Variants in RC3H2 observed in about 807,000 individuals in gnomAD.
RC3H2 encodes the protein roquin-2.
Under a neutral mutation model 133.3 loss-of-function variants are expected in RC3H2, and 31 were observed. The observed-to-expected ratio is 0.23, with a 90% confidence interval of 0.17 to 0.31. RC3H2 has a LOEUF of 0.31. Among genes scored for constraint, RC3H2 ranks in the 10% least tolerant of loss-of-function variants. The pLI, the probability that RC3H2 is intolerant of heterozygous loss-of-function variation, is 1.00. For synonymous variants in RC3H2, 517 were observed against 502.2 expected (o/e 1.03, Z -0.40); for missense variants, 1,175 against 1,437.2 (o/e 0.82, Z 2.95).
At chr9:122,895,901 C>G (rs138976276) in intron 2 of RC3H2, among the ~76,000 whole-genome samples, 11 of 151,994 alleles carry the variant, frequency 7.2e-5, no homozygotes, top group Admixed American at 5.9e-4. Flanking sequence ...AAAGTAGACC[C>G]TCATTAAATA....
intron 11 of RC3H2, 105 bp downstream of exon 11, chr9:122,859,812 C>T: frequency 1.0e-6 from 1 of 985,794 alleles, no homozygotes; most frequent in South Asian, 1.5e-5. Context: ...GTCACATAGT[C>T]AAAAGGATTA....
chr9:122,868,563 C>T (rs932729117), intron 9 of RC3H2, among the ~76,000 whole-genome samples: 7 of 151,810 alleles, frequency 4.6e-5, no homozygotes, highest in Admixed American at 2.0e-4. Flanking sequence ...TAAGAGTCAT[C>T]ACCACTCCCT....
intron 13 of RC3H2, 102 bp from the exon 14 acceptor site, chr9:122,855,980 G>A: frequency 1.2e-6 from 1 of 844,798 alleles, no homozygotes; most frequent in Non-Finnish European, 1.7e-6. Context: ...GGACTTCATA[G>A]CAAACAATTA....
chr9:122,880,129 A>G lies in RC3H2; in HGVS notation c.961-4T>C. The stretch of plus-strand genomic sequence containing the variant: ...CAAATGACTCTGGAGACTGTAGCTA[A>G]CAAACAGAAATGAGAATGCTTTTTA... On this transcript the variant is annotated splice_region_variant and splice_polypyrimidine_tract_variant and intron_variant, in intron 6 of 20. Coordinates refer to ENST00000357244, the MANE Select transcript of RC3H2 (RefSeq NM_001100588.3). The G allele has an allele frequency of 6.2e-7, 1 of 1,614,006 alleles. No homozygotes were observed. Among genetic ancestry groups the G allele is most frequent in the Non-Finnish European group, 8.5e-7 (1 of 1,179,906 alleles).
At chr9:122,867,822 G>A (rs1237620264) in intron 9 of RC3H2, among the ~76,000 whole-genome samples, 3 of 108,466 alleles carry the variant, frequency 2.8e-5, no homozygotes, top group Non-Finnish European at 3.9e-5. Context: ...GAGCCCCTCC[G>A]CCCGGCAGCC....
At chr9:122,899,865 T>C (rs1253960251) in intron 1 of RC3H2, among the ~76,000 whole-genome samples, 1 of 152,248 alleles carries the variant, frequency 6.6e-6, no homozygotes, top group Non-Finnish European at 1.5e-5. Flanking sequence ...TTGGAAATGT[T>C]AATTCTGTGG....
rs548171139 is a variant in RC3H2 at position 122,872,337 on chromosome 9, C to A, written c.1325+5134G>T. On this transcript the variant is annotated intron_variant, in intron 9 of 20. Transcript: ENST00000357244. ...CATCATTTCCATTGCTATAGTCCTA[C>A]CCGAGCTACCAAACTCCCACCTGTG... is the stretch of plus-strand genomic sequence containing the variant. Among the ~76,000 whole-genome samples, 7 of 152,270 alleles carry A rather than the reference C, an allele frequency of 4.6e-5. No individual in the cohort carries two copies. The South Asian group carries it at 8.3e-4, about 18-fold the overall frequency.
chr9:122,905,287 G>T lies in RC3H2; in HGVS notation c.-245C>A. ...TGGCGGCGGCGAAGGCCGCGACGGGGCCTCCTCCTCCTCCCTCCACCTCCG... is the reference window on the plus strand; with the variant it reads ...TGGCGGCGGCGAAGGCCGCGACGGGTCCTCCTCCTCCTCCCTCCACCTCCG... On this transcript the variant is annotated 5_prime_UTR_variant, in exon 1 of 21. Transcript: ENST00000357244. 1 of 985,776 alleles carries T rather than the reference G, an allele frequency of 1.0e-6. No homozygotes were observed. The highest frequency in any genetic ancestry group is 1.2e-6 in the Non-Finnish European group (1 of 830,112). 61.1% of individuals were successfully genotyped at this position (985,776 alleles called of 1,614,324 possible). A position where few individuals can be genotyped will look rare whatever the true frequency, so the allele number is the denominator to read the frequency against.
rs1564283166 is a variant in RC3H2 at position 122,853,959 on chromosome 9, T to C, written c.3110A>G (p.Asn1037Ser). ...AAGGTTCAGTTTCTTTACCTCTCCA[T>C]TTCTTAGTTCAATTTCCTTGCTTAA... is the stretch of plus-strand genomic sequence containing the variant. ...NLLSKEIELR[N>S]GELQSDYTED... The change falls in exon 18 of 21, where the codon AAT becomes AGT. Residue 1037 changes from asparagine (N) to serine (S), a missense_variant. Around this residue, in one of 8 missense-constraint regions of RC3H2, gnomAD observed 220 missense variants for 201.1 expected, o/e 1.09. Transcript: ENST00000357244. 1 of 1,614,210 alleles carries C rather than the reference T, an allele frequency of 6.2e-7. No individual in the cohort carries two copies. Among genetic ancestry groups the C allele is most frequent in the Non-Finnish European group, 8.5e-7 (1 of 1,180,026 alleles).
In RC3H2 at chr9:122,893,019, T is replaced by C; in HGVS notation, c.239A>G (p.Asp80Gly). The C allele has an allele frequency of 6.3e-7, 1 of 1,584,904 alleles. No homozygotes were observed. Among genetic ancestry groups the C allele is most frequent in the East Asian group, 2.2e-5 (1 of 44,674 alleles). ...ATTACTTAACTTAATTGACTGATGA[T>C]CTGGTACCTTAAAAAAAAAAAAAAA... ...LLQLVGAQVP[D>G]HQSIKLSNLG... is the part of the protein sequence containing the mutation. The change falls in exon 3 of 21, where the codon GAT becomes GGT. Residue 80 changes from aspartate (D) to glycine (G), a missense_variant. This residue lies in a region of RC3H2 where 30 missense variants were observed against 25.2 expected (regional missense o/e 1.19). Transcript: ENST00000357244.
chr9:122,867,718 C>T (rs1424801473), intron 9 of RC3H2, among the ~76,000 whole-genome samples: 2 of 108,020 alleles, frequency 1.9e-5, no homozygotes, highest in African/African-American at 3.5e-5. Context: ...TGGCCGCGAC[C>T]CCGTCTGGGA....
At position 122,846,196 on chromosome 9, in the gene RC3H2, C is replaced by A. The variant is rs760293117; in HGVS notation, c.*3431G>T. 4.6e-5 allele frequency: 7 copies of A among 152,162 alleles called. No individual in the cohort carries two copies. The highest frequency in any genetic ancestry group is 7.2e-5 in the African/African-American group (3 of 41,432). 9.4% of individuals were successfully genotyped at this position (152,162 alleles called of 1,614,324 possible). A position where few individuals can be genotyped will look rare whatever the true frequency, so the allele number is the denominator to read the frequency against. On this transcript the variant is annotated 3_prime_UTR_variant, in exon 21 of 21. Coordinates refer to ENST00000357244, the MANE Select transcript of RC3H2 (RefSeq NM_001100588.3). Reference sequence around the variant, plus strand: ...ATTGGGATGTGCTTTATATACTTAACCTCAAATTGAAATCTGAAAGTGACT... The same window carrying A: ...ATTGGGATGTGCTTTATATACTTAAACTCAAATTGAAATCTGAAAGTGACT...
rs546022336 is a variant in RC3H2, at chr9:122,875,134, C to T, written c.1325+2337G>A. Reference sequence around the variant, plus strand: ...TGAAATTCTGTATATAGAACTAGTTCGATTGGGTACAAACAGCATCTTTTT... The same window carrying T: ...TGAAATTCTGTATATAGAACTAGTTTGATTGGGTACAAACAGCATCTTTTT... On this transcript the variant is annotated intron_variant, in intron 9 of 20. Transcript: ENST00000357244. 2.1e-5 allele frequency: 32 copies of T among 1,502,290 alleles called. No homozygotes were observed. In the Admixed American group the frequency reaches 2.3e-4, roughly 11 times the overall value. The allele number at this position is 1,502,290 out of a possible 1,614,324, so 93.1% of individuals were successfully genotyped here. A position where few individuals can be genotyped will look rare whatever the true frequency, so the allele number is the denominator to read the frequency against.
intron 9 of RC3H2, among the ~76,000 whole-genome samples, chr9:122,866,511 T>G (rs2131411456): frequency 6.7e-6 from 1 of 149,858 alleles, no homozygotes; most frequent in South Asian, 2.1e-4. Context: ...CCTGCCTGAT[T>G]CTCCTGCCTC....
rs757230508 is a variant in RC3H2, at chr9:122,865,434, C to CTCTTAA, written c.1543_1548dup (p.Leu515_Arg516dup). The CTCTTAA allele has an allele frequency of 6.2e-7, 1 of 1,614,228 alleles. No homozygotes were observed. Among genetic ancestry groups the CTCTTAA allele is most frequent in the Non-Finnish European group, 8.5e-7 (1 of 1,180,046 alleles). ...CCCACTTTCTTCACGGTCTCCAGAG[C>CTCTTAA]TCTTAAGGTACTGTCAGTACTACGT... On this transcript the variant is annotated inframe_insertion, in exon 10 of 21. Transcript: ENST00000357244.
At chr9:122,879,608 A>G (rs953226494) in intron 8 of RC3H2, 147 bp downstream of exon 8, 30 of 570,178 alleles carry the variant, frequency 5.3e-5, no homozygotes, top group Non-Finnish European at 8.0e-5. Context: ...CAAGTACACT[A>G]AAAACTGGGT....
intron 3 of RC3H2, among the ~76,000 whole-genome samples, chr9:122,890,920 T>C (rs930454028): frequency 2.0e-5 from 3 of 151,852 alleles, no homozygotes. Flanking sequence ...AACATTTCCA[T>C]CATTACAGAA....
In RC3H2 at chr9:122,860,108, G is replaced by A; in HGVS notation, c.1658C>T (p.Thr553Ile). The A allele has an allele frequency of 6.2e-7, 1 of 1,614,076 alleles. No individual in the cohort carries two copies. Among genetic ancestry groups the A allele is most frequent in the Non-Finnish European group, 8.5e-7 (1 of 1,179,960 alleles). Reference protein sequence around the residue: ...TENKIGSPPKTPVSNVAATSA... With the variant: ...TENKIGSPPKIPVSNVAATSA... Reference sequence around the variant, plus strand: ...GGTAGCTGCTACATTACTTACAGGAGTCTTGGGTGGAGAACCAATTTTACT... The same window carrying A: ...GGTAGCTGCTACATTACTTACAGGAATCTTGGGTGGAGAACCAATTTTACT... The change falls in exon 11 of 21, where the codon ACT becomes ATT. Residue 553 changes from threonine (T) to isoleucine (I), a missense_variant. By Grantham distance (89) the Thr-to-Ile change is moderately conservative. Around this residue, in one of 8 missense-constraint regions of RC3H2, gnomAD observed 490 missense variants for 492.8 expected, o/e 0.99. Transcript: ENST00000357244.
rs1200889428 is a variant in RC3H2 at position 122,859,118 on chromosome 9, G to A, written c.1850-16C>T. The A allele has an allele frequency of 4.6e-6, 7 of 1,521,236 alleles. No individual in the cohort carries two copies. Among genetic ancestry groups the A allele is most frequent in the African/African-American group, 1.4e-5 (1 of 71,968 alleles). 94.2% of individuals were successfully genotyped at this position (1,521,236 alleles called of 1,614,324 possible). ...GGATAGTATCCTTGAAAATTGGAAAGAGGAATATTTAATGTAATCTTAGTA... is the reference window on the plus strand; with the variant it reads ...GGATAGTATCCTTGAAAATTGGAAAAAGGAATATTTAATGTAATCTTAGTA... On this transcript the variant is annotated splice_polypyrimidine_tract_variant and intron_variant, in intron 11 of 20. Coordinates refer to ENST00000357244, the MANE Select transcript of RC3H2 (RefSeq NM_001100588.3).
Sources: gnomAD v4.1 joint callset for allele counts (sites outside exome capture counted in the v4.1 genomes callset) on GRCh38, gnomAD v4.1.1 for gene constraint, gnomAD v4.1.1 regional missense constraint, MANE v1.5 for transcripts, NCBI Gene and HGNC (gene_info 2026-07-23, HGNC 2026-07-21) for gene names.